CFAP299: variants seen among roughly 807,000 people sequenced by gnomAD.
The protein encoded by CFAP299 is cilia- and flagella-associated protein 299.
In CFAP299, 21 loss-of-function variants were observed where a neutral mutation model predicts 27.0. That is an observed-to-expected ratio of 0.78 (90% CI 0.55 to 1.12). CFAP299 has a LOEUF of 1.12. Ranked by LOEUF, CFAP299 falls within the 50% of genes most tolerant of loss-of-function variation. The pLI, the probability that CFAP299 is intolerant of heterozygous loss-of-function variation, is 0.00. For missense variants in CFAP299, 310 were observed against 276.6 expected, an observed-to-expected ratio of 1.12 and a Z score of -0.86; for synonymous variants, 104 against 98.1, an observed-to-expected ratio of 1.06 and a Z score of -0.36.
intron 2 of CFAP299, among the ~76,000 whole-genome samples, chr4:80,507,606 G>A (rs138085971): frequency 6.0e-4 from 92 of 152,274 alleles, no homozygotes; most frequent in African/African-American, 2.0e-3. Context: ...CTCAAAAAGA[G>A]ATGCCAACTC....
intron 3 of CFAP299, among the ~76,000 whole-genome samples, chr4:80,803,250 G>T (rs374474917): frequency 6.6e-6 from 1 of 151,992 alleles, no homozygotes; most frequent in African/African-American, 2.4e-5. Context: ...TGCAATAAGG[G>T]TAATTATTAA....
At chr4:80,802,491 G>A (rs1728663687) in intron 3 of CFAP299, among the ~76,000 whole-genome samples, 2 of 151,942 alleles carry the variant, frequency 1.3e-5, no homozygotes, top group Non-Finnish European at 2.9e-5. Context: ...CAGTTCATAA[G>A]TTGTCATCTA....
rs1553935644 is a variant in CFAP299 at position 80,576,197 on chromosome 4, A to ATATATAT, written c.243-6896_243-6895insTATATAT. 7.7e-3 allele frequency among the ~76,000 whole-genome samples: 250 copies of ATATATAT among 32,438 alleles called. No homozygotes were observed. The East Asian group carries it at 0.15, about 20-fold the overall frequency. The allele number at this position is 32,438 out of a possible 152,430, so 21.3% of individuals were successfully genotyped here. A position where few individuals can be genotyped will look rare whatever the true frequency, so the allele number is the denominator to read the frequency against. ...CTTAAAGTATAATAATAAAAAAAAA[A>ATATATAT]ATATATATATATATATATATAAAAT... On this transcript the variant is annotated intron_variant, in intron 2 of 5. Transcript: ENST00000358105.
In CFAP299 at chr4:80,827,589, A is replaced by G. The variant is rs983742005; in HGVS notation, c.334-42404A>G. On this transcript the variant is annotated intron_variant, in intron 3 of 5. Coordinates refer to ENST00000358105, the MANE Select transcript of CFAP299 (RefSeq NM_152770.3). Reference sequence around the variant, plus strand: ...AACAACTAAAAACCATATATAAAAAACCCACAGCAAATATCATGAAAGACT... The same window carrying G: ...AACAACTAAAAACCATATATAAAAAGCCCACAGCAAATATCATGAAAGACT... Among the ~76,000 whole-genome samples the G allele has an allele frequency of 1.1e-4, 16 of 152,088 alleles. 1 individual carries two copies. Among genetic ancestry groups the G allele is most frequent in the Middle Eastern group, 3.4e-3 (1 of 294 alleles).
chr4:80,953,547 T>G (rs1282437689), intron 5 of CFAP299, among the ~76,000 whole-genome samples: 2 of 152,164 alleles, frequency 1.3e-5, no homozygotes, highest in Non-Finnish European at 2.9e-5. Flanking sequence ...GAGCTTGGCT[T>G]TTATGAATTA....
intron 4 of CFAP299, among the ~76,000 whole-genome samples, chr4:80,874,511 A>G (rs1003505663): frequency 1.3e-5 from 2 of 152,202 alleles, no homozygotes; most frequent in Non-Finnish European, 2.9e-5. Flanking sequence ...ATAGAAATTT[A>G]TTTATCATGG....
intron 1 of CFAP299, among the ~76,000 whole-genome samples, chr4:80,351,347 C>T (rs1723006313): frequency 6.6e-6 from 1 of 151,984 alleles, no homozygotes; most frequent in Admixed American, 6.6e-5. Context: ...ACAACAATAG[C>T]ACAAAAGATA....
intron 5 of CFAP299, among the ~76,000 whole-genome samples, chr4:80,952,480 A>AT (rs1043764598): frequency 1.4e-4 from 21 of 152,182 alleles, no homozygotes; most frequent in African/African-American, 2.4e-4. Context: ...GTAAATGGTG[A>AT]TTTTTTCCAG....
chr4:80,427,032 G>T (rs1006115109), intron 2 of CFAP299, among the ~76,000 whole-genome samples: 1 of 152,028 alleles, frequency 6.6e-6, no homozygotes, highest in South Asian at 2.1e-4. Context: ...TAAAGCAATC[G>T]TTCTTATCAA....
chr4:80,889,111 T>A (rs1734118645), intron 4 of CFAP299, among the ~76,000 whole-genome samples: 1 of 149,018 alleles, frequency 6.7e-6, no homozygotes, highest in Non-Finnish European at 1.5e-5. Context: ...AACCCTAAAT[T>A]AGTAGGGAAG....
chr4:80,482,747 C>A (rs1378376103), intron 2 of CFAP299, among the ~76,000 whole-genome samples: 3 of 152,114 alleles, frequency 2.0e-5, no homozygotes, highest in African/African-American at 4.8e-5. Flanking sequence ...TAGATAAATT[C>A]AAAAATATGC....
rs144345007 is a variant in CFAP299 at position 80,553,452 on chromosome 4, G to A, written c.243-29641G>A. 6.7e-3 allele frequency among the ~76,000 whole-genome samples: 1,021 copies of A among 152,280 alleles called. 12 individuals are homozygous for A. The highest frequency in any genetic ancestry group is 0.023 in the African/African-American group (971 of 41,558). ...CTGTGTCTTTGCTATTGTGAATAGT[G>A]CTGCAGTAAAAACACTGTCGTGTGT... On this transcript the variant is annotated intron_variant, in intron 2 of 5. Transcript: ENST00000358105.
At chr4:80,680,934 G>T (rs1163339232) in intron 3 of CFAP299, among the ~76,000 whole-genome samples, 1 of 152,140 alleles carries the variant, frequency 6.6e-6, no homozygotes, top group Non-Finnish European at 1.5e-5. Context: ...GGAGAGCTCA[G>T]TGTCAAGGAT....
chr4:80,504,606 C>A (rs1731922959), intron 2 of CFAP299, among the ~76,000 whole-genome samples: 1 of 145,562 alleles, frequency 6.9e-6, no homozygotes. Flanking sequence ...GGAGAGGCAA[C>A]ACGTTATACT....
intron 3 of CFAP299, among the ~76,000 whole-genome samples, chr4:80,792,790 A>C (rs1428955207): frequency 5.3e-5 from 8 of 152,132 alleles, no homozygotes; most frequent in African/African-American, 1.9e-4. Context: ...TATTCACATA[A>C]AGCTCTTAAA....
chr4:80,869,889 C>G (rs1732979034), intron 3 of CFAP299, 104 bp from the exon 4 acceptor site: 1 of 1,092,594 alleles, frequency 9.2e-7, no homozygotes, highest in Non-Finnish European at 1.3e-6. Flanking sequence ...GCCCTGCTTC[C>G]TATGGTCACT....
chr4:80,885,844 G>T (rs1733944220), intron 4 of CFAP299, among the ~76,000 whole-genome samples: 1 of 152,132 alleles, frequency 6.6e-6, no homozygotes, highest in South Asian at 2.1e-4. Flanking sequence ...AGGGGATTTT[G>T]CCATGCACTT....
At chr4:80,346,392 G>T (rs1193202511) in intron 1 of CFAP299, among the ~76,000 whole-genome samples, 2 of 152,088 alleles carry the variant, frequency 1.3e-5, no homozygotes, top group Admixed American at 1.3e-4. Context: ...TTCTTCCAGG[G>T]TTTTTCTGGT....
At chr4:80,892,658 G>A (rs1009017595) in intron 4 of CFAP299, among the ~76,000 whole-genome samples, 5 of 152,092 alleles carry the variant, frequency 3.3e-5, no homozygotes, top group African/African-American at 9.6e-5. Flanking sequence ...AATAAAAAAG[G>A]CATTTAATAA....
Sources: gnomAD v4.1 joint callset for allele counts (sites outside exome capture counted in the v4.1 genomes callset) on GRCh38, gnomAD v4.1.1 for gene constraint, MANE v1.5 for transcripts, NCBI Gene and HGNC (gene_info 2026-07-23, HGNC 2026-07-21) for gene names.